The following EYS variants were observed in gnomAD, a reference collection of about 807,000 sequenced individuals.
EYS encodes EGF-like photoreceptor maintenance factor.
In EYS, 250 loss-of-function variants were observed where a neutral mutation model predicts 282.1. The ratio of observed to expected loss-of-function variants is 0.89; its 90% CI spans 0.80 to 0.98. The LOEUF is 0.98. Among genes scored for constraint, EYS ranks in the 50% least tolerant of loss-of-function variants. EYS has a pLI of 0.00. For missense variants in EYS, 4,016 were observed against 3,709.0 expected (o/e 1.08, Z -2.15); for synonymous variants, 1,355 against 1,282.9 (o/e 1.06, Z -1.20).
chr6:65,580,764 A>C (rs55896462), intron 2 of EYS, among the ~76,000 whole-genome samples: 1 of 152,002 alleles, frequency 6.6e-6, no homozygotes, highest in Non-Finnish European at 1.5e-5. Context: ...TACTATTTCA[A>C]TTTAATATAG....
Position 64,309,382 on chromosome 6 carries a change from C to T in EYS, c.6079-2300G>A, listed in dbSNP as rs115277746. Among the ~76,000 whole-genome samples the T allele has an allele frequency of 8.3e-3, 1,270 of 152,228 alleles. 14 individuals carry two copies. Among genetic ancestry groups the T allele is most frequent in the African/African-American group, 0.029 (1,207 of 41,540 alleles). On this transcript the variant is annotated intron_variant, in intron 29 of 42. Transcript: ENST00000503581. ...TTAAAAATGCATATTAATTTATTCA[C>T]CTTGGGCTTTGAAAAATGGCAAGAA...
At chr6:64,118,311 A>G (rs1225593852) in intron 31 of EYS, among the ~76,000 whole-genome samples, 1 of 152,128 alleles carries the variant, frequency 6.6e-6, no homozygotes, top group Non-Finnish European at 1.5e-5. Context: ...TAGTAACCAA[A>G]ACAACATGGC....
At position 63,825,635 on chromosome 6, in the gene EYS, AAG is replaced by A. The variant is rs368519534; in HGVS notation, c.7229-19265_7229-19264del. Among the ~76,000 whole-genome samples the A allele has an allele frequency of 1.5e-4, 23 of 152,308 alleles. No homozygotes were observed. In the East Asian group the frequency reaches 3.7e-3, roughly 24 times the overall value. ...AGACTCGCTGGATGGTTAGACCCAG[AAG>A]AGAGACAATAATCACCGCAGTTCAG... is the stretch of plus-strand genomic sequence containing the variant. On this transcript the variant is annotated intron_variant, in intron 36 of 42. Transcript: ENST00000503581.
At chr6:64,713,733 C>T (rs1771285375) in intron 22 of EYS, among the ~76,000 whole-genome samples, 1 of 152,082 alleles carries the variant, frequency 6.6e-6, no homozygotes, top group African/African-American at 2.4e-5. Context: ...CTCAGTGACT[C>T]TATGAGACCT....
intron 34 of EYS, among the ~76,000 whole-genome samples, chr6:63,986,230 T>G (rs1289717068): frequency 6.6e-6 from 1 of 151,634 alleles, no homozygotes; most frequent in Non-Finnish European, 1.5e-5. Flanking sequence ...AGATACCATC[T>G]CACACCAGTC....
intron 35 of EYS, among the ~76,000 whole-genome samples, chr6:63,873,599 A>T (rs951164507): frequency 6.6e-6 from 1 of 152,174 alleles, no homozygotes; most frequent in Admixed American, 6.5e-5. Context: ...ACAATGGTTG[A>T]ACTAGTTTAC....
chr6:64,202,261 C>A (rs940915605), intron 31 of EYS, among the ~76,000 whole-genome samples: 1 of 152,120 alleles, frequency 6.6e-6, no homozygotes, highest in Non-Finnish European at 1.5e-5. Flanking sequence ...AGACCAAACT[C>A]AAGTTGGCCT....
chr6:64,799,893 A>T (rs1198176470), intron 22 of EYS, among the ~76,000 whole-genome samples: 1 of 151,908 alleles, frequency 6.6e-6, no homozygotes, highest in East Asian at 1.9e-4. Flanking sequence ...GAAATGGAAA[A>T]TACTAATAAC....
chr6:65,100,834 T>A (rs1251801673), intron 12 of EYS, among the ~76,000 whole-genome samples: 1 of 150,684 alleles, frequency 6.6e-6, no homozygotes, highest in East Asian at 1.9e-4. Context: ...ACATGAAAGC[T>A]GACAAGAGGA....
At chr6:65,659,149 T>C (rs1416554250) in intron 1 of EYS, among the ~76,000 whole-genome samples, 1 of 151,682 alleles carries the variant, frequency 6.6e-6, no homozygotes, top group Non-Finnish European at 1.5e-5. Flanking sequence ...TCCTTTAGAT[T>C]TTTATTTTTA....
chr6:64,430,040 T>C (rs574379053), intron 28 of EYS, among the ~76,000 whole-genome samples: 1 of 152,296 alleles, frequency 6.6e-6, no homozygotes, highest in African/African-American at 2.4e-5. Context: ...GTTTGTTTGG[T>C]TCCACTTCAC....
chr6:64,101,130 CTG>C (rs1270860413), intron 31 of EYS, among the ~76,000 whole-genome samples: 2 of 152,030 alleles, frequency 1.3e-5, no homozygotes, highest in East Asian at 3.9e-4. Flanking sequence ...TATTTTGGAA[CTG>C]TGGAAATGAC....
At chr6:65,368,488 A>G (rs1765007211) in intron 8 of EYS, among the ~76,000 whole-genome samples, 1 of 151,660 alleles carries the variant, frequency 6.6e-6, no homozygotes, top group South Asian at 2.1e-4. Context: ...TTTAAGGTTG[A>G]CCAAAAATAA....
intron 16 of EYS, among the ~76,000 whole-genome samples, chr6:64,912,073 T>A (rs1016902081): frequency 1.3e-5 from 2 of 152,134 alleles, no homozygotes; most frequent in Admixed American, 1.3e-4. Context: ...GAAGTAATAT[T>A]TTGATAGCTC....
chr6:64,157,100 G>A (rs1774952526), intron 31 of EYS, among the ~76,000 whole-genome samples: 1 of 136,792 alleles, frequency 7.3e-6, no homozygotes, highest in Non-Finnish European at 1.5e-5. Context: ...GTGTCCATGT[G>A]TTCTCATTGT....
intron 12 of EYS, among the ~76,000 whole-genome samples, chr6:65,180,379 T>C (rs571470776): frequency 5.9e-5 from 9 of 152,248 alleles, no homozygotes; most frequent in Admixed American, 5.2e-4. Context: ...AAAATCAATG[T>C]GCAAAAATCA....
intron 2 of EYS, among the ~76,000 whole-genome samples, chr6:65,558,280 G>A (rs1375243766): frequency 3.1e-4 from 47 of 152,226 alleles, no homozygotes; most frequent in Non-Finnish European, 1.9e-4. Flanking sequence ...CCTGGAGGGG[G>A]TCAAGGCGGC....
intron 29 of EYS, among the ~76,000 whole-genome samples, chr6:64,378,661 A>T (rs1319464702): frequency 6.6e-6 from 1 of 152,178 alleles, no homozygotes; most frequent in Non-Finnish European, 1.5e-5. Flanking sequence ...TAGAGTCTCT[A>T]TTTTGCAGGT....
intron 12 of EYS, among the ~76,000 whole-genome samples, chr6:65,275,544 A>C (rs1768022188): frequency 6.6e-6 from 1 of 152,316 alleles, no homozygotes; most frequent in Non-Finnish European, 1.5e-5. Flanking sequence ...TGGCTTCATA[A>C]GGAGTTCCCT....
Sources: allele counts gnomAD v4.1 joint callset (sites outside exome capture counted in the v4.1 genomes callset), GRCh38; gene constraint gnomAD v4.1.1; transcripts MANE v1.5; gene names NCBI Gene and HGNC (gene_info 2026-07-23, HGNC 2026-07-21).